ADGRL2: variants seen among roughly 807,000 people sequenced by gnomAD.
ADGRL2 encodes calcium-independent alpha-latrotoxin receptor 2.
ADGRL2 carries 44 observed loss-of-function variants against 157.4 expected under a neutral mutation model. The observed-to-expected ratio is 0.28, with a 90% CI of 0.22 to 0.36. The LOEUF (loss-of-function observed/expected upper bound fraction) is 0.36, where lower values mean the gene tolerates loss of function less well. Among genes scored for constraint, ADGRL2 ranks in the 10% least tolerant of loss-of-function variants. The pLI is 1.00. For synonymous variants in ADGRL2, 585 were observed against 624.7 expected (o/e 0.94, Z 0.95); for missense variants, 1,510 against 1,768.9 (o/e 0.85, Z 2.63).
intron 2 of ADGRL2, among the ~76,000 whole-genome samples, chr1:81,522,643 T>C (rs2079349211): frequency 6.6e-6 from 1 of 152,222 alleles, no homozygotes; most frequent in Non-Finnish European, 1.5e-5. Context: ...CTTTAATATG[T>C]ACTTGCTTGC....
chr1:81,352,614 G>T (rs1476209676), intron 1 of ADGRL2, among the ~76,000 whole-genome samples: 1 of 152,140 alleles, frequency 6.6e-6, no homozygotes, highest in Non-Finnish European at 1.5e-5. Context: ...ATTAAATAAG[G>T]ATTAGTGTTA....
chr1:81,711,471 T>C (rs1161458492), intron 1 of ADGRL2, among the ~76,000 whole-genome samples: 5 of 152,226 alleles, frequency 3.3e-5, no homozygotes, highest in Admixed American at 3.3e-4. Flanking sequence ...TGCATCCATT[T>C]TGTCATATAG....
rs78627841 is a variant in ADGRL2 at position 81,311,482 on chromosome 1, A to G, written c.-302+4973A>G. ...TGTAAACTACTTGAGGGTGAAAATC[A>G]TATTTAATCTGTGTCCTTCACAGTC... On this transcript the variant is annotated intron_variant, in intron 1 of 24. Coordinates refer to the ADGRL2 transcript ENST00000370721. 2.7e-3 allele frequency among the ~76,000 whole-genome samples: 408 copies of G among 152,286 alleles called. 5 individuals carry two copies. In the South Asian group the frequency reaches 0.05, roughly 18 times the overall value.
intron 2 of ADGRL2, among the ~76,000 whole-genome samples, chr1:81,472,760 C>G (rs1357742973): frequency 6.6e-6 from 1 of 152,158 alleles, no homozygotes; most frequent in African/African-American, 2.4e-5. Context: ...TGAAATGGCA[C>G]CATAATGAAA....
intron 1 of ADGRL2, among the ~76,000 whole-genome samples, chr1:81,812,533 A>G (rs2089981236): frequency 1.3e-5 from 2 of 151,698 alleles, no homozygotes; most frequent in African/African-American, 2.4e-5. Flanking sequence ...TGAGATTATA[A>G]TTTTTTATTT....
At chr1:81,877,648 T>C (rs1290237880) in intron 2 of ADGRL2, among the ~76,000 whole-genome samples, 1 of 151,956 alleles carries the variant, frequency 6.6e-6, no homozygotes, top group Non-Finnish European at 1.5e-5. Flanking sequence ...CTAGGAACAA[T>C]ACGTGGCTTT....
rs200608561 is a variant in ADGRL2, at chr1:81,406,955, A to AT, written c.-301-38074dup. ...GATCATTGAGAATACTGGTGTTTTA[A>AT]TTTTTTTATTTATTTGTTATTGTTC... On this transcript the variant is annotated intron_variant, in intron 1 of 24. Coordinates refer to the ADGRL2 transcript ENST00000370721. 5.1e-3 allele frequency among the ~76,000 whole-genome samples: 777 copies of AT among 152,116 alleles called. 5 individuals carry two copies. Among genetic ancestry groups the AT allele is most frequent in the African/African-American group, 0.017 (706 of 41,510 alleles).
At chr1:81,346,325 T>TATAACACCCACTCC (rs1662477548) in intron 1 of ADGRL2, among the ~76,000 whole-genome samples, 1 of 152,224 alleles carries the variant, frequency 6.6e-6, no homozygotes, top group Non-Finnish European at 1.5e-5. Flanking sequence ...ACTCCACATC[T>TATAACACCCACTCC]ACAGCATTAT....
At chr1:81,956,569 T>G (rs185220827) in intron 11 of ADGRL2, among the ~76,000 whole-genome samples, 14 of 152,292 alleles carry the variant, frequency 9.2e-5, no homozygotes, top group African/African-American at 3.4e-4. Context: ...GCTTCATAGA[T>G]TGCAGAATAG....
intron 3 of ADGRL2, among the ~76,000 whole-genome samples, chr1:81,647,553 T>C (rs369176125): frequency 6.6e-5 from 10 of 152,264 alleles, no homozygotes; most frequent in East Asian, 5.8e-4. Flanking sequence ...CTACAGGCTA[T>C]GTGTATAAGG....
intron 2 of ADGRL2, among the ~76,000 whole-genome samples, chr1:81,784,805 T>C (rs1366817827): frequency 6.6e-6 from 1 of 151,944 alleles, no homozygotes; most frequent in African/African-American, 2.4e-5. Context: ...TTTCAATGTA[T>C]GTGTTTTGTT....
rs143854453 is a variant in ADGRL2 at position 81,672,078 on chromosome 1, A to G, written c.-142-89733A>G. ...ATGATGTCCCAGACAACAGCCTTTC[A>G]TACTGATTCCTCCTTCATATTAATC... On this transcript the variant is annotated intron_variant, in intron 3 of 24. Transcript: ENST00000370721. Among the ~76,000 whole-genome samples the G allele has an allele frequency of 1.4e-3, 218 of 152,360 alleles. 3 individuals are homozygous for G. The highest frequency in any genetic ancestry group is 4.8e-3 in the African/African-American group (200 of 41,588).
In ADGRL2 at chr1:81,458,869, G is replaced by A. The variant is rs146488831; in HGVS notation, c.-248+13780G>A. On this transcript the variant is annotated intron_variant, in intron 2 of 24. Coordinates refer to the ADGRL2 transcript ENST00000370721. ...AACAGGGACGTGTTACAGTTCATTC[G>A]TTCCCACTGCCCACAGCTCAGCAAG... 5.9e-3 allele frequency among the ~76,000 whole-genome samples: 891 copies of A among 152,236 alleles called. 10 individuals are homozygous for A. The highest frequency in any genetic ancestry group is 0.021 in the African/African-American group (853 of 41,540).
At chr1:81,842,352 G>GC (rs990895027) in intron 2 of ADGRL2, among the ~76,000 whole-genome samples, 1 of 42,784 alleles carries the variant, frequency 2.3e-5, no homozygotes, top group Non-Finnish European at 5.2e-5. Flanking sequence ...TTCTTTTAGC[G>GC]CTTTTTTTTT....
In ADGRL2 at chr1:81,837,032, A is replaced by C. The variant is rs1403841548; in HGVS notation, c.48A>C (p.Val16=). The change falls in exon 2 of 24, where the codon GTA becomes GTC. Residue 16 remains valine, a synonymous_variant. Transcript: ENST00000686636. ...CRMRSLWFII[V]ISFLPNTEGF... Reference sequence around the variant, plus strand: ...TGCGAAGTCTGTGGTTTATCATTGTAATCAGCTTCTTACCAAATACAGAAG... The same window carrying C: ...TGCGAAGTCTGTGGTTTATCATTGTCATCAGCTTCTTACCAAATACAGAAG... 6.3e-7 allele frequency: 1 copy of C among 1,592,772 alleles called. No individual in the cohort carries two copies. The highest frequency in any genetic ancestry group is 8.5e-7 in the Non-Finnish European group (1 of 1,170,796).
intron 3 of ADGRL2, among the ~76,000 whole-genome samples, chr1:81,933,919 C>G (rs1378289888): frequency 1.3e-5 from 2 of 152,032 alleles, no homozygotes; most frequent in Non-Finnish European, 2.9e-5. Flanking sequence ...ACTGTTTTAG[C>G]TCTAAATTTG....
At chr1:81,720,922 T>G (rs1205948068) in intron 1 of ADGRL2, among the ~76,000 whole-genome samples, 1 of 150,078 alleles carries the variant, frequency 6.7e-6, no homozygotes, top group Non-Finnish European at 1.5e-5. Flanking sequence ...TATATTAACA[T>G]AAATAAATAA....
At chr1:81,523,138 T>C (rs1380803635) in intron 2 of ADGRL2, among the ~76,000 whole-genome samples, 1 of 152,140 alleles carries the variant, frequency 6.6e-6, no homozygotes, top group Non-Finnish European at 1.5e-5. Context: ...CTTGCATAGA[T>C]AGAGACCCAT....
intron 2 of ADGRL2, among the ~76,000 whole-genome samples, chr1:81,763,603 G>A (rs1271691371): frequency 6.8e-6 from 1 of 148,054 alleles, no homozygotes; most frequent in Non-Finnish European, 1.5e-5. Context: ...AAAAAAAAAG[G>A]GCCAGGTGTG....
Sources: allele counts gnomAD v4.1 joint callset (sites outside exome capture counted in the v4.1 genomes callset), GRCh38; gene constraint gnomAD v4.1.1; transcripts MANE v1.5; gene names NCBI Gene and HGNC (gene_info 2026-07-23, HGNC 2026-07-21).